DOT1L: variants seen among roughly 807,000 people sequenced by gnomAD.
DOT1L encodes the protein DOT1 like histone lysine methyltransferase.
In DOT1L, 33 loss-of-function variants were observed where a neutral mutation model predicts 153.3. The ratio of observed to expected loss-of-function variants is 0.22; its 90% CI spans 0.16 to 0.29. DOT1L has a LOEUF of 0.29. Ranked by LOEUF, DOT1L falls within the 10% of genes least tolerant of loss-of-function variation. The pLI is 1.00. For synonymous variants in DOT1L, 1,135 were observed against 965.1 expected (o/e 1.18, Z -3.26); for missense variants, 1,847 against 2,119.9 (o/e 0.87, Z 2.53).
rs915486788 is a variant in DOT1L, at chr19:2,190,132, G to A, written c.264+337G>A. ...GGTCCCTGTCCTCCCCGGGCTGTGT[G>A]AATGCCGGCCTTCCCCCTTGGACCT... On this transcript the variant is annotated intron_variant, in intron 4 of 27. Transcript: ENST00000398665. This position sits in a 1 kb window ranked among gnomAD's most constrained non-coding sequence, Gnocchi z 4.8. Among the ~76,000 whole-genome samples, 1 of 152,168 alleles carries A rather than the reference G, an allele frequency of 6.6e-6. No homozygotes were observed. Among genetic ancestry groups the A allele is most frequent in the Non-Finnish European group, 1.5e-5 (1 of 68,014 alleles).
At chr19:2,173,766 G>A (rs773700616) in intron 1 of DOT1L, among the ~76,000 whole-genome samples, 6 of 152,196 alleles carry the variant, frequency 3.9e-5, no homozygotes, top group Non-Finnish European at 7.3e-5. Context: ...GGTACCTTGC[G>A]AGTGCCTCAC....
At position 2,208,994 on chromosome 19, in the gene DOT1L, T is replaced by C. The variant is rs1418089727; in HGVS notation, c.1005+18T>C. ...AACTCAGGGTAAGTTTGTGTGTTTTTTCTCTTGGGTTAATAACACGCATGC... is the reference window on the plus strand; with the variant it reads ...AACTCAGGGTAAGTTTGTGTGTTTTCTCTCTTGGGTTAATAACACGCATGC... On this transcript the variant is annotated intron_variant, in intron 12 of 27. Transcript: ENST00000398665. This position sits in a 1 kb window ranked among gnomAD's most constrained non-coding sequence, Gnocchi z 4.4. 1 of 1,611,608 alleles carries C rather than the reference T, an allele frequency of 6.2e-7. No individual in the cohort carries two copies. Among genetic ancestry groups the C allele is most frequent in the African/African-American group, 1.3e-5 (1 of 74,724 alleles).
At position 2,222,101 on chromosome 19, in the gene DOT1L, G is replaced by A. The variant is rs1256978379; in HGVS notation, c.2932G>A (p.Val978Met). The A allele has an allele frequency of 6.2e-7, 1 of 1,613,210 alleles. No individual in the cohort carries two copies. Among genetic ancestry groups the A allele is most frequent in the Non-Finnish European group, 8.5e-7 (1 of 1,179,914 alleles). Reference protein sequence around the residue: ...SSSSGSLFATVGSRSSTPQHP... With the variant: ...SSSSGSLFATMGSRSSTPQHP... ...CAGCTCTGGGAGCCTTTTTGCCACC[G>A]TGGGGTCCCGCAGCTCCACGCCACA... is the stretch of plus-strand genomic sequence containing the variant. Residue 978 changes from valine (V) to methionine (M), a missense_variant, in exon 24 of 28, where the codon GTG (valine) becomes ATG (methionine). Physicochemically the swap from Val to Met is conservative, Grantham distance 21 (BLOSUM62 1). This residue lies in a region of DOT1L where 934 missense variants were observed against 825.3 expected (regional missense o/e 1.13). Coordinates refer to ENST00000398665, the MANE Select transcript of DOT1L (RefSeq NM_032482.3). This position sits in a 1 kb window ranked among gnomAD's most constrained non-coding sequence, Gnocchi z 6.5.
Position 2,207,988 on chromosome 19 carries a change from C to T in DOT1L, c.963+308C>T, listed in dbSNP as rs944659842. Among the ~76,000 whole-genome samples the T allele has an allele frequency of 6.6e-6, 1 of 152,198 alleles. No homozygotes were observed. On this transcript the variant is annotated intron_variant, in intron 11 of 27. Transcript: ENST00000398665. This position sits in a 1 kb window ranked among gnomAD's most constrained non-coding sequence, Gnocchi z 4.5. ...GAGTGATGTGTGACCATAAGGGTCC[C>T]GGCCGCCATATCCAGAGGCCCCTGT...
Position 2,164,281 on chromosome 19 carries a change from C to T in DOT1L, c.81+16C>T. ...GCCGGTCTACGTGAGTGCCGCCCTC[C>T]ACCGTCCCTACCTCCCGGCCTCCCC... is the stretch of plus-strand genomic sequence containing the variant. On this transcript the variant is annotated intron_variant, in intron 1 of 27. Transcript: ENST00000398665. 1 of 1,257,272 alleles carries T rather than the reference C, an allele frequency of 8.0e-7. No homozygotes were observed. Among genetic ancestry groups the T allele is most frequent in the Non-Finnish European group, 1.0e-6 (1 of 998,880 alleles). 77.9% of individuals were successfully genotyped at this position (1,257,272 alleles called of 1,614,324 possible). A position where few individuals can be genotyped will look rare whatever the true frequency, so the allele number is the denominator to read the frequency against.
intron 27 of DOT1L, chr19:2,227,895 A>G (rs1385402814): frequency 2.4e-6 from 3 of 1,257,352 alleles, no homozygotes; most frequent in Middle Eastern, 3.3e-4. Flanking sequence ...CTCGGTTGAG[A>G]CCCGGCCGCC....
Position 2,230,119 on chromosome 19 carries a change from G to C in DOT1L, c.*327G>C. ...GAGCTCTATATAAAGACACGTGTCT[G>C]CAGGGCGGGCCCGCCAGCGGATTCG... On this transcript the variant is annotated 3_prime_UTR_variant, in exon 28 of 28. Transcript: ENST00000398665. 1.9e-6 allele frequency: 1 copy of C among 527,424 alleles called. No homozygotes were observed. 32.7% of individuals were successfully genotyped at this position (527,424 alleles called of 1,614,324 possible).
intron 25 of DOT1L, 133 bp from the exon 26 acceptor site, chr19:2,225,255 C>A: frequency 1.2e-6 from 1 of 852,498 alleles, no homozygotes; most frequent in Non-Finnish European, 1.9e-6. Context: ...GGTGGCTGCA[C>A]GGGTCCCCTG....
intron 8 of DOT1L, among the ~76,000 whole-genome samples, chr19:2,201,381 C>T (rs1440931811): frequency 1.3e-5 from 2 of 152,080 alleles, no homozygotes; most frequent in South Asian, 2.1e-4. Flanking sequence ...CTGCATTCCT[C>T]ATCCTCCCCA....
In DOT1L at chr19:2,190,074, T is replaced by G. The variant is rs1369265440; in HGVS notation, c.264+279T>G. Among the ~76,000 whole-genome samples, 1 of 152,138 alleles carries G rather than the reference T, an allele frequency of 6.6e-6. No individual in the cohort carries two copies. Among genetic ancestry groups the G allele is most frequent in the Non-Finnish European group, 1.5e-5 (1 of 68,014 alleles). On this transcript the variant is annotated intron_variant, in intron 4 of 27. Coordinates refer to ENST00000398665, the MANE Select transcript of DOT1L (RefSeq NM_032482.3). This position sits in a 1 kb window ranked among gnomAD's most constrained non-coding sequence, Gnocchi z 4.8. Reference sequence around the variant, plus strand: ...GTGTCTGCACACGCCTCTGCAGCCCTGGGTTGGTGTCCGCAGGTCCCAGCA... The same window carrying G: ...GTGTCTGCACACGCCTCTGCAGCCCGGGGTTGGTGTCCGCAGGTCCCAGCA...
chr19:2,219,299 TGCCC>T (rs1039167070), intron 22 of DOT1L, among the ~76,000 whole-genome samples: 16 of 152,178 alleles, frequency 1.1e-4, no homozygotes, highest in African/African-American at 3.9e-4. Flanking sequence ...TCAGCCCCCG[TGCCC>T]GGCCGGTTTT....
At chr19:2,167,125 A>G (rs781249229) in intron 1 of DOT1L, among the ~76,000 whole-genome samples, 2 of 152,034 alleles carry the variant, frequency 1.3e-5, no homozygotes, top group Non-Finnish European at 2.9e-5. Flanking sequence ...GCTGTTTCCA[A>G]TTTTTGGTGA....
chr19:2,214,358 C>T, intron 18 of DOT1L, 113 bp from the exon 19 acceptor site: 7 of 1,502,692 alleles, frequency 4.7e-6, no homozygotes, highest in South Asian at 2.6e-5. Flanking sequence ...GGTCTGTGCC[C>T]TAAGCACACA....
chr19:2,214,735 T>A (rs992674880), intron 19 of DOT1L, 139 bp downstream of exon 19: 4 of 1,312,268 alleles, frequency 3.0e-6, no homozygotes, highest in African/African-American at 1.5e-5. Flanking sequence ...TGGAGGCTTA[T>A]GGAACCTTCT....
At position 2,226,835 on chromosome 19, in the gene DOT1L, C is replaced by T. The variant is rs528116121; in HGVS notation, c.4314C>T (p.Leu1438=). 6.3e-6 allele frequency: 10 copies of T among 1,580,894 alleles called. No individual in the cohort carries two copies. In the East Asian group the frequency reaches 1.9e-4, roughly 29 times the overall value. The change falls in exon 27 of 28, where the codon CTC becomes CTT. Residue 1438 remains leucine (L), a synonymous_variant. Coordinates refer to ENST00000398665, the MANE Select transcript of DOT1L (RefSeq NM_032482.3). Reference sequence around the variant, plus strand: ...CGGCGGCCGTGCCTCCCGGAAGCCTCCTCAGCGGCCCCGGCCTGGCCCCGG... The same window carrying T: ...CGGCGGCCGTGCCTCCCGGAAGCCTTCTCAGCGGCCCCGGCCTGGCCCCGG... ...ISAAAVPPGS[L]LSGPGLAPAA...
At chr19:2,228,316 C>T (rs979764750) in intron 27 of DOT1L, 2 of 1,342,084 alleles carry the variant, frequency 1.5e-6, no homozygotes, top group Admixed American at 4.1e-5. Context: ...CCTCCCTATG[C>T]CGCGCACCTT....
At chr19:2,228,480 G>C in intron 27 of DOT1L, 1 of 1,201,962 alleles carries the variant, frequency 8.3e-7, no homozygotes, top group South Asian at 1.5e-5. Context: ...AGTTCCGGGG[G>C]TCCTGAGGAG....
At chr19:2,206,647 G>C in intron 9 of DOT1L, 82 bp from the exon 10 acceptor site, 2 of 1,385,312 alleles carry the variant, frequency 1.4e-6, no homozygotes, top group Admixed American at 3.4e-5. Flanking sequence ...CCGTGTCATT[G>C]TTCCTTCTCT....
rs368998352 is a variant in DOT1L, at chr19:2,217,581, C to T, written c.2545-191C>T. ...GGGCATTGCTTTCAGACACCAGGAG[C>T]GTGCCGTCCCTCTGGAGTGTCCCAA... On this transcript the variant is annotated intron_variant, in intron 21 of 27. Coordinates refer to ENST00000398665, the MANE Select transcript of DOT1L (RefSeq NM_032482.3). The surrounding 1 kb of genome is among the most constrained non-coding windows in gnomAD (Gnocchi z 7.3). 5.3e-5 allele frequency among the ~76,000 whole-genome samples: 8 copies of T among 152,056 alleles called. No individual in the cohort carries two copies. The East Asian group carries it at 5.8e-4, about 11-fold the overall frequency.
Sources: gnomAD v4.1 joint callset for allele counts (sites outside exome capture counted in the v4.1 genomes callset) on GRCh38, gnomAD v4.1.1 for gene constraint, gnomAD v4.1.1 regional missense constraint, Gnocchi (gnomAD v3.1) non-coding constraint, MANE v1.5 for transcripts, NCBI Gene and HGNC (gene_info 2026-07-23, HGNC 2026-07-21) for gene names.